The following KAZN variants were observed in gnomAD, a reference collection of about 807,000 sequenced individuals.
KAZN encodes kazrin.
A neutral mutation model predicts 87.4 loss-of-function variants in KAZN; 40 were observed. The observed-to-expected ratio is 0.46, with a 90% CI of 0.36 to 0.60. The LOEUF (loss-of-function observed/expected upper bound fraction) is 0.60. KAZN is among the 20% of genes least tolerant of loss of function. KAZN has a pLI of 0.00. For synonymous variants in KAZN, 466 were observed against 458.3 expected (o/e 1.02, Z -0.22); for missense variants, 898 against 1,073.9 (o/e 0.84, Z 2.29).
chr1:14,274,350 C>T (rs1652185514), intron 2 of KAZN, among the ~76,000 whole-genome samples: 1 of 151,974 alleles, frequency 6.6e-6, no homozygotes, highest in Non-Finnish European at 1.5e-5. Context: ...GTATAATTCA[C>T]CAAACACACC....
intron 1 of KAZN, among the ~76,000 whole-genome samples, chr1:14,036,168 C>T (rs971729945): frequency 7.9e-5 from 12 of 152,184 alleles, no homozygotes; most frequent in African/African-American, 2.9e-4. Context: ...GCTGGAGTTT[C>T]TCATGGTAGC....
intron 1 of KAZN, among the ~76,000 whole-genome samples, chr1:14,872,234 A>G (rs1004559267): frequency 6.6e-6 from 1 of 152,148 alleles, no homozygotes; most frequent in Non-Finnish European, 1.5e-5. Flanking sequence ...GCAAAATGGG[A>G]TATAATAAAC....
chr1:15,040,454 G>A (rs10803340), intron 3 of KAZN, among the ~76,000 whole-genome samples: 32,582 of 152,136 alleles, frequency 0.21, 3,711 homozygotes, highest in Non-Finnish European at 0.26. Flanking sequence ...GAGAAAGGAG[G>A]GGTCTTGGCC....
chr1:14,977,950 A>G (rs1478257872), intron 2 of KAZN, among the ~76,000 whole-genome samples: 2 of 137,550 alleles, frequency 1.5e-5, no homozygotes, highest in South Asian at 2.2e-4. Context: ...CTGGAGTGCA[A>G]TGGCACGATC....
chr1:14,078,121 G>A (rs1055314203), intron 1 of KAZN, among the ~76,000 whole-genome samples: 1 of 152,198 alleles, frequency 6.6e-6, no homozygotes, highest in South Asian at 2.1e-4. Flanking sequence ...TGCACCTTCT[G>A]TATTTTTACT....
intron 2 of KAZN, among the ~76,000 whole-genome samples, chr1:14,192,745 G>T (rs137918985): frequency 7.9e-4 from 121 of 152,242 alleles, no homozygotes; most frequent in Admixed American, 4.7e-3. Context: ...GCAAATGGAT[G>T]CCCTACACTG....
At chr1:14,149,339 C>T (rs1645425034) in intron 1 of KAZN, among the ~76,000 whole-genome samples, 2 of 151,642 alleles carry the variant, frequency 1.3e-5, no homozygotes, top group Non-Finnish European at 2.9e-5. Context: ...GATCTCCTGA[C>T]CTCGTGATCC....
At chr1:14,800,864 G>A (rs1430735384) in intron 1 of KAZN, among the ~76,000 whole-genome samples, 3 of 152,132 alleles carry the variant, frequency 2.0e-5, no homozygotes, top group African/African-American at 7.2e-5. Context: ...TAGCTTCGTA[G>A]TTGCCGGGGA....
At chr1:14,352,409 G>A (rs192525147) in intron 2 of KAZN, among the ~76,000 whole-genome samples, 1 of 152,204 alleles carries the variant, frequency 6.6e-6, no homozygotes, top group East Asian at 1.9e-4. Flanking sequence ...GTCCAGCTGA[G>A]GAAAGCCGCC....
At chr1:14,930,322 C>G (rs1659666203) in intron 1 of KAZN, among the ~76,000 whole-genome samples, 1 of 152,162 alleles carries the variant, frequency 6.6e-6, no homozygotes, top group Non-Finnish European at 1.5e-5. Flanking sequence ...TGTTCACTAC[C>G]TTTTAATTGT....
At chr1:14,424,734 T>G (rs1276980696) in intron 2 of KAZN, among the ~76,000 whole-genome samples, 1 of 152,208 alleles carries the variant, frequency 6.6e-6, no homozygotes, top group African/African-American at 2.4e-5. Context: ...TTCAACAGCT[T>G]CTGCCAGTTA....
chr1:14,201,054 T>A (rs1343329800), intron 2 of KAZN, among the ~76,000 whole-genome samples: 2 of 152,170 alleles, frequency 1.3e-5, no homozygotes, highest in African/African-American at 4.8e-5. Flanking sequence ...CGGCCCAATT[T>A]ATCTTAGGGA....
At position 14,820,434 on chromosome 1, in the gene KAZN, G is replaced by A. The variant is rs912648626; in HGVS notation, c.227-140250G>A. Among the ~76,000 whole-genome samples, 1 of 152,240 alleles carries A rather than the reference G, an allele frequency of 6.6e-6. No individual in the cohort carries two copies. The highest frequency in any genetic ancestry group is 1.5e-5 in the Non-Finnish European group (1 of 68,048). ...CAGCCTGGAAGCAGCCATGGCAAATGGGATGTGTCCCACTGCCCCCGTTTG... is the reference window on the plus strand; with the variant it reads ...CAGCCTGGAAGCAGCCATGGCAAATAGGATGTGTCCCACTGCCCCCGTTTG... On this transcript the variant is annotated intron_variant, in intron 1 of 14. Transcript: ENST00000376030. The surrounding 1 kb of genome is among the most constrained non-coding windows in gnomAD (Gnocchi z 4.1).
intron 1 of KAZN, among the ~76,000 whole-genome samples, chr1:14,953,681 G>C (rs1418525816): frequency 6.6e-6 from 1 of 152,066 alleles, no homozygotes; most frequent in Non-Finnish European, 1.5e-5. Context: ...TTGTTACTTA[G>C]ACCTTTGGCT....
intron 1 of KAZN, among the ~76,000 whole-genome samples, chr1:14,159,821 G>A (rs114970533): frequency 0.029 from 4,392 of 152,264 alleles, 209 homozygotes; most frequent in African/African-American, 0.1. Context: ...ATCCTTCCAG[G>A]ACTCCTTCCA....
intron 1 of KAZN, among the ~76,000 whole-genome samples, chr1:14,116,357 C>G (rs527786223): frequency 6.6e-6 from 1 of 152,314 alleles, no homozygotes; most frequent in Admixed American, 6.5e-5. Flanking sequence ...CATTCTCCAT[C>G]CCAGCTGCTC....
intron 1 of KAZN, among the ~76,000 whole-genome samples, chr1:13,976,463 C>T (rs748219352): frequency 2.6e-4 from 40 of 151,696 alleles, no homozygotes; most frequent in South Asian, 1.9e-3. Flanking sequence ...TATTATTCCC[C>T]GCAGAAATTG....
chr1:14,944,502 A>G (rs1194454723), intron 1 of KAZN, among the ~76,000 whole-genome samples: 1 of 152,206 alleles, frequency 6.6e-6, no homozygotes, highest in African/African-American at 2.4e-5. Context: ...TCGCCTTCGA[A>G]TAGGCAGGGG....
chr1:14,593,856 A>C (rs1425600099), upstream of KAZN, among the ~76,000 whole-genome samples: 1 of 152,196 alleles, frequency 6.6e-6, no homozygotes, highest in Non-Finnish European at 1.5e-5. Context: ...GTGGTGCAAG[A>C]AGTCAGTGGC....
Sources: allele counts gnomAD v4.1 joint callset (sites outside exome capture counted in the v4.1 genomes callset), GRCh38; gene constraint gnomAD v4.1.1; non-coding constraint Gnocchi (gnomAD v3.1); transcripts MANE v1.5; gene names NCBI Gene and HGNC (gene_info 2026-07-23, HGNC 2026-07-21).